The following INSYN2B variants were observed in gnomAD, a reference collection of about 807,000 sequenced individuals.
The protein encoded by INSYN2B is protein INSYN2B.
INSYN2B carries 16 observed loss-of-function variants against 41.2 expected under a neutral mutation model. The ratio of observed to expected loss-of-function variants is 0.39; its 90% CI spans 0.26 to 0.59. INSYN2B has a LOEUF of 0.59. Ranked by LOEUF, INSYN2B falls within the 20% of genes least tolerant of loss-of-function variation. The probability of loss-of-function intolerance (pLI) is 0.57; values close to 1 mark genes in which losing one functional copy is unlikely to be tolerated. For missense variants in INSYN2B, 608 were observed against 646.4 expected, an observed-to-expected ratio of 0.94 and a Z score of 0.64; for synonymous variants, 245 against 244.4, an observed-to-expected ratio of 1.00 and a Z score of -0.02.
chr5:169,925,991 C>T (rs576644544), intron 1 of INSYN2B, among the ~76,000 whole-genome samples: 29 of 152,116 alleles, frequency 1.9e-4, no homozygotes, highest in Non-Finnish European at 2.9e-4. Flanking sequence ...CCCAGGAGCT[C>T]GCAACACACC....
chr5:169,869,084 AAC>A (rs1467364883), intron 3 of INSYN2B, among the ~76,000 whole-genome samples: 4 of 152,092 alleles, frequency 2.6e-5, no homozygotes, highest in African/African-American at 9.7e-5. Context: ...CTGCACATGG[AAC>A]ACTGTCTTGG....
chr5:169,934,732 G>A (rs1232883783), intron 1 of INSYN2B: 2 of 456,056 alleles, frequency 4.4e-6, no homozygotes, highest in East Asian at 6.9e-5. Context: ...GTTAGCACAG[G>A]GCTGCTCACG....
At chr5:169,939,590 A>G (rs1776148146) in intron 1 of INSYN2B, among the ~76,000 whole-genome samples, 1 of 152,186 alleles carries the variant, frequency 6.6e-6, no homozygotes, top group East Asian at 1.9e-4. Flanking sequence ...GCAGCACAGT[A>G]TGTTAGTTTA....
chr5:169,970,931 C>T (rs940714391), intron 1 of INSYN2B, among the ~76,000 whole-genome samples: 6 of 151,962 alleles, frequency 3.9e-5, no homozygotes, highest in African/African-American at 1.5e-4. Flanking sequence ...AGGAAGAAAC[C>T]TTCAAAGGCA....
chr5:169,952,764 G>A (rs1776711478), intron 1 of INSYN2B, among the ~76,000 whole-genome samples: 2 of 152,178 alleles, frequency 1.3e-5, no homozygotes, highest in African/African-American at 4.8e-5. Context: ...AGCTTCGTTT[G>A]ATGCCGTTTC....
chr5:169,928,255 G>A (rs79714815), intron 1 of INSYN2B, among the ~76,000 whole-genome samples: 2,061 of 152,234 alleles, frequency 0.014, 18 homozygotes, highest in Middle Eastern at 0.041. Flanking sequence ...GCTGCCACAG[G>A]TCTTACACCA....
Position 169,883,473 on chromosome 5 carries a change from G to T in INSYN2B, c.426C>A (p.Asp142Glu), listed in dbSNP as rs748011548. The T allele has an allele frequency of 1.9e-6, 3 of 1,551,530 alleles. No individual in the cohort carries two copies. The highest frequency in any genetic ancestry group is 1.4e-5 in the African/African-American group (1 of 73,044). ...AGTAGGCAAGGTCAGAAGACACAAT[G>T]TCCTGTTCAGAGAGGTTACCGTTGA... Reference protein sequence around the residue: ...IQVNGNLSEQDIVSSDLAYLR... With the variant: ...IQVNGNLSEQEIVSSDLAYLR... Residue 142 changes from aspartate to glutamate, a missense_variant, in exon 2 of 4, where the codon GAC becomes GAA. Physicochemically the swap from Asp to Glu is conservative, Grantham distance 45. Coordinates refer to ENST00000377365, the MANE Select transcript of INSYN2B (RefSeq NM_001129891.3).
intron 1 of INSYN2B, among the ~76,000 whole-genome samples, chr5:169,967,790 G>A (rs977703014): frequency 6.6e-6 from 1 of 152,142 alleles, no homozygotes; most frequent in Non-Finnish European, 1.5e-5. Context: ...AGAGTGTAGG[G>A]AGAGAAATGA....
chr5:169,906,538 C>A (rs1774292974), intron 1 of INSYN2B, among the ~76,000 whole-genome samples: 1 of 152,122 alleles, frequency 6.6e-6, no homozygotes, highest in South Asian at 2.1e-4. Flanking sequence ...CCCTATGTTT[C>A]CCAGGCTGGT....
At chr5:169,879,343 G>T (rs1422628693) in intron 3 of INSYN2B, among the ~76,000 whole-genome samples, 1 of 152,142 alleles carries the variant, frequency 6.6e-6, no homozygotes, top group Admixed American at 6.5e-5. Flanking sequence ...CACAACGCAA[G>T]TTTGAAGTCA....
intron 1 of INSYN2B, among the ~76,000 whole-genome samples, chr5:169,963,302 C>T (rs1426230472): frequency 1.3e-5 from 2 of 152,096 alleles, no homozygotes; most frequent in Non-Finnish European, 2.9e-5. Flanking sequence ...AAATTAAATC[C>T]AACCCACAGC....
intron 1 of INSYN2B, among the ~76,000 whole-genome samples, chr5:169,958,565 T>A (rs1427093832): frequency 2.1e-5 from 3 of 139,724 alleles, no homozygotes; most frequent in Non-Finnish European, 4.6e-5. Context: ...ACAAAAGGGG[T>A]GCTTTCTTTT....
chr5:169,865,869 C>G (rs375622670), intron 3 of INSYN2B, among the ~76,000 whole-genome samples: 239 of 152,360 alleles, frequency 1.6e-3, no homozygotes, highest in Admixed American at 2.4e-3. Context: ...AAAGGGACAT[C>G]TGCCCTTGCT....
rs1049769130 is a variant in INSYN2B at position 169,962,232 on chromosome 5, C to T, written c.-919+18045G>A. Among the ~76,000 whole-genome samples, 5 of 152,076 alleles carry T rather than the reference C, an allele frequency of 3.3e-5. 1 individual carries two copies. The South Asian group carries it at 8.3e-4, about 25-fold the overall frequency. The stretch of plus-strand genomic sequence containing the variant: ...GCAGAGGACAGTTAGGAGGCTATTG[C>T]TGTAGTATAAGGGAGACATCGTGGT... On this transcript the variant is annotated intron_variant, in intron 1 of 3. Coordinates refer to ENST00000377365, the MANE Select transcript of INSYN2B (RefSeq NM_001129891.3).
chr5:169,931,517 G>A (rs1035691953), intron 1 of INSYN2B, among the ~76,000 whole-genome samples: 5 of 152,204 alleles, frequency 3.3e-5, no homozygotes, highest in African/African-American at 4.8e-5. Flanking sequence ...AGGTGGTATC[G>A]TTTTGTGGAA....
At chr5:169,967,475 C>T (rs1177128036) in intron 1 of INSYN2B, among the ~76,000 whole-genome samples, 1 of 152,050 alleles carries the variant, frequency 6.6e-6, no homozygotes, top group South Asian at 2.1e-4. Flanking sequence ...TTCTGTGTGG[C>T]CGGATGATAA....
chr5:169,950,098 T>C (rs1310320987), intron 1 of INSYN2B, among the ~76,000 whole-genome samples: 3 of 152,156 alleles, frequency 2.0e-5, no homozygotes, highest in Non-Finnish European at 4.4e-5. Context: ...GGCACCATTC[T>C]CAGTAGATGG....
chr5:169,878,184 C>T (rs1470956570), intron 3 of INSYN2B, among the ~76,000 whole-genome samples: 1 of 152,112 alleles, frequency 6.6e-6, no homozygotes, highest in Non-Finnish European at 1.5e-5. Flanking sequence ...GAGCAAGTGG[C>T]TTAGAGGGAC....
intron 3 of INSYN2B, among the ~76,000 whole-genome samples, chr5:169,871,285 CCTAA>C (rs1337516163): frequency 6.6e-6 from 1 of 152,110 alleles, no homozygotes; most frequent in Non-Finnish European, 1.5e-5. Flanking sequence ...TAGCCATGGA[CCTAA>C]CTCTTTCCAG....
Sources: gnomAD v4.1 joint callset for allele counts (sites outside exome capture counted in the v4.1 genomes callset) on GRCh38, gnomAD v4.1.1 for gene constraint, MANE v1.5 for transcripts, NCBI Gene and HGNC (gene_info 2026-07-23, HGNC 2026-07-21) for gene names.